SEMA6D: variants seen among roughly 807,000 people sequenced by gnomAD.
SEMA6D encodes semaphorin-6D.
Under a neutral mutation model 106.6 loss-of-function variants are expected in SEMA6D, and 35 were observed. The ratio of observed to expected loss-of-function variants is 0.33; its 90% CI spans 0.25 to 0.44. The LOEUF (loss-of-function observed/expected upper bound fraction) is 0.44, where lower values mean the gene tolerates loss of function less well. Among genes scored for constraint, SEMA6D ranks in the 20% least tolerant of loss-of-function variants. SEMA6D has a pLI of 1.00. For synonymous variants in SEMA6D, 499 were observed against 487.7 expected, an observed-to-expected ratio of 1.02 and a Z score of -0.31; for missense variants, 1,185 against 1,345.9, an observed-to-expected ratio of 0.88 and a Z score of 1.87.
chr15:47,534,429 C>A (rs1274895589), intron 3 of SEMA6D, among the ~76,000 whole-genome samples: 1 of 152,016 alleles, frequency 6.6e-6, no homozygotes, highest in Non-Finnish European at 1.5e-5. Flanking sequence ...GTGATCCACC[C>A]ACCGCAGCCT....
At position 47,759,902 on chromosome 15, in the gene SEMA6D, A is replaced by C. The variant is rs1196320134; in HGVS notation, c.104A>C (p.Tyr35Ser). The C allele has an allele frequency of 6.2e-7, 1 of 1,604,252 alleles. No individual in the cohort carries two copies. ...EDDEPLNTVDYHYSRQYPVFR... is the reference protein window; with the variant it reads ...EDDEPLNTVDSHYSRQYPVFR... The stretch of plus-strand genomic sequence containing the variant: ...GATGAACCCCTTAATACTGTCGACT[A>C]TCACTGTAAGTCGTCTCAAGAACAG... The change falls in exon 2 of 19, where the codon TAT (tyrosine) becomes TCT (serine). Residue 35 changes from tyrosine to serine, a missense_variant. This residue lies in a region of SEMA6D where 144 missense variants were observed against 138.6 expected (regional missense o/e 1.04). Transcript: ENST00000536845.
At chr15:47,514,784 C>T (rs1022350881) in intron 3 of SEMA6D, among the ~76,000 whole-genome samples, 17 of 152,124 alleles carry the variant, frequency 1.1e-4, no homozygotes, top group African/African-American at 4.1e-4. Context: ...ATCCTCACTG[C>T]GTTCAGAGTA....
At chr15:47,321,864 A>G (rs2036937877) in intron 1 of SEMA6D, among the ~76,000 whole-genome samples, 1 of 152,022 alleles carries the variant, frequency 6.6e-6, no homozygotes, top group Non-Finnish European at 1.5e-5. Flanking sequence ...CTACTCTGCT[A>G]CTCCCCAGAG....
chr15:47,186,024 AT>A (rs1893542684), intron 1 of SEMA6D, among the ~76,000 whole-genome samples: 1 of 152,126 alleles, frequency 6.6e-6, no homozygotes, highest in South Asian at 2.1e-4. Flanking sequence ...TTGTCTACAA[AT>A]ATACAATATT....
rs1255539173 is a variant in SEMA6D at position 47,764,210 on chromosome 15, T to C, written c.1002T>C (p.Asp334=). ...PGSAVCAFSM[D]DIEKVFKGRF... ...CTGCTGTCTGTGCATTTAGCATGGATGACATTGAAAAAGTATTCAAAGGAC... is the reference window on the plus strand; with the variant it reads ...CTGCTGTCTGTGCATTTAGCATGGACGACATTGAAAAAGTATTCAAAGGAC... Residue 334 remains aspartate (D), a synonymous_variant, in exon 11 of 19, where the codon GAT becomes GAC. Transcript: ENST00000536845. The C allele has an allele frequency of 1.2e-6, 2 of 1,613,670 alleles. No homozygotes were observed. The highest frequency in any genetic ancestry group is 2.2e-5 in the East Asian group (1 of 44,872).
chr15:47,233,451 G>T (rs769694022), intron 1 of SEMA6D, among the ~76,000 whole-genome samples: 37 of 151,912 alleles, frequency 2.4e-4, no homozygotes, highest in Non-Finnish European at 4.1e-4. Context: ...TTTAGAATTA[G>T]CTTGCCAATT....
At chr15:47,741,121 A>C (rs1045365667) in intron 1 of SEMA6D, among the ~76,000 whole-genome samples, 3 of 152,174 alleles carry the variant, frequency 2.0e-5, no homozygotes, top group African/African-American at 7.2e-5. Context: ...ATAAATTCTT[A>C]AGTTCCTCTT....
At chr15:47,420,359 T>C (rs972107643) in intron 2 of SEMA6D, among the ~76,000 whole-genome samples, 2 of 152,118 alleles carry the variant, frequency 1.3e-5, no homozygotes, top group African/African-American at 4.8e-5. Flanking sequence ...CCCCTCAACC[T>C]ATTTATAAAC....
At chr15:47,635,201 A>G (rs1264416808) in intron 4 of SEMA6D, among the ~76,000 whole-genome samples, 1 of 152,196 alleles carries the variant, frequency 6.6e-6, no homozygotes, top group Non-Finnish European at 1.5e-5. Flanking sequence ...GGCAGAAGAC[A>G]GGAACTAGGG....
chr15:47,607,225 A>ATGG, intron 4 of SEMA6D, among the ~76,000 whole-genome samples: 1 of 152,244 alleles, frequency 6.6e-6, no homozygotes, highest in Non-Finnish European at 1.5e-5. Flanking sequence ...TTCCCCAGTC[A>ATGG]GTCACCACAT....
At chr15:47,558,683 G>C (rs1247632291) in intron 3 of SEMA6D, among the ~76,000 whole-genome samples, 1 of 151,972 alleles carries the variant, frequency 6.6e-6, no homozygotes, top group East Asian at 1.9e-4. Context: ...TTGTGCACTA[G>C]ATATATCTAG....
intron 2 of SEMA6D, among the ~76,000 whole-genome samples, chr15:47,467,111 G>A (rs1308821068): frequency 2.0e-5 from 3 of 151,874 alleles, no homozygotes; most frequent in African/African-American, 7.3e-5. Flanking sequence ...GTATATAAGG[G>A]TTCCCTTTTC....
chr15:47,688,716 C>G (rs116785547), intron 4 of SEMA6D, among the ~76,000 whole-genome samples: 1 of 152,088 alleles, frequency 6.6e-6, no homozygotes, highest in African/African-American at 2.4e-5. Context: ...TTGAGTCTAC[C>G]GTTTCATAAT....
At chr15:47,378,048 T>A (rs2039509991) in intron 1 of SEMA6D, among the ~76,000 whole-genome samples, 1 of 152,200 alleles carries the variant, frequency 6.6e-6, no homozygotes, top group African/African-American at 2.4e-5. Context: ...AAAGTAGTTT[T>A]GAAGCAGCTT....
intron 1 of SEMA6D, among the ~76,000 whole-genome samples, chr15:47,380,116 A>G (rs2039587611): frequency 6.6e-6 from 1 of 152,226 alleles, no homozygotes; most frequent in South Asian, 2.1e-4. Flanking sequence ...AAGCTCTTAC[A>G]TCTGCCATAG....
At chr15:47,486,947 A>C (rs2043313292) in intron 3 of SEMA6D, among the ~76,000 whole-genome samples, 2 of 152,142 alleles carry the variant, frequency 1.3e-5, no homozygotes, top group South Asian at 4.1e-4. Context: ...TGTTATTTTT[A>C]AATAATTATT....
intron 2 of SEMA6D, among the ~76,000 whole-genome samples, chr15:47,417,627 G>C (rs189441051): frequency 2.8e-4 from 43 of 152,014 alleles, no homozygotes; most frequent in Non-Finnish European, 4.7e-4. Flanking sequence ...ATGTTGTTTT[G>C]GTGTGTTTTT....
At chr15:47,504,005 T>C (rs1302911486) in intron 3 of SEMA6D, among the ~76,000 whole-genome samples, 1 of 152,146 alleles carries the variant, frequency 6.6e-6, no homozygotes, top group Admixed American at 6.5e-5. Context: ...ACAGAGAACC[T>C]GGTAGGAACC....
At chr15:47,354,537 CAT>C (rs1567021196) in intron 1 of SEMA6D, among the ~76,000 whole-genome samples, 1 of 148,178 alleles carries the variant, frequency 6.7e-6, no homozygotes, top group Non-Finnish European at 1.5e-5. Flanking sequence ...TATATACACA[CAT>C]ATATGAAAGG....
Sources: gnomAD v4.1 joint callset for allele counts (sites outside exome capture counted in the v4.1 genomes callset) on GRCh38, gnomAD v4.1.1 for gene constraint, gnomAD v4.1.1 regional missense constraint, MANE v1.5 for transcripts, NCBI Gene and HGNC (gene_info 2026-07-23, HGNC 2026-07-21) for gene names.